COL15A1: variants seen among roughly 807,000 people sequenced by gnomAD.
COL15A1 encodes collagen type XV alpha 1 chain.
A neutral mutation model predicts 165.9 loss-of-function variants in COL15A1; 111 were observed. The ratio of observed to expected loss-of-function variants is 0.67; its 90% CI spans 0.57 to 0.78. The LOEUF (loss-of-function observed/expected upper bound fraction) is 0.78. COL15A1 is among the 30% of genes least tolerant of loss of function. The pLI is 0.00. For missense variants in COL15A1, 1,745 were observed against 1,789.7 expected (o/e 0.98, Z 0.45); for synonymous variants, 659 against 674.8 (o/e 0.98, Z 0.36).
chr9:99,023,744 G>C (rs114597581), intron 14 of COL15A1, among the ~76,000 whole-genome samples: 1 of 152,186 alleles, frequency 6.6e-6, no homozygotes, highest in Admixed American at 6.5e-5. Flanking sequence ...CCCTGCAGCA[G>C]GTGTGCCCAG....
At chr9:99,015,925 C>T in intron 10 of COL15A1, 51 bp from the exon 11 acceptor site, 1 of 1,593,112 alleles carries the variant, frequency 6.3e-7, no homozygotes, top group Non-Finnish European at 8.6e-7. Flanking sequence ...AACTCCCTGG[C>T]AGCCTCATGA....
intron 9 of COL15A1, among the ~76,000 whole-genome samples, chr9:99,011,868 G>C (rs75497687): frequency 1.6e-4 from 24 of 152,254 alleles, no homozygotes; most frequent in Admixed American, 8.5e-4. Context: ...CCATTTTATA[G>C]CCTGTGAATT....
In COL15A1 at chr9:98,985,880, C is replaced by A. The variant is rs373530299; in HGVS notation, c.416C>A (p.Thr139Lys). ...CACCAGCGGATCATCCTCTACTACA[C>A]GGAGCCAGGCTCCCATGTGTCCCAA... Reference protein sequence around the residue: ...DGHQRIILYYTEPGSHVSQEA... With the variant: ...DGHQRIILYYKEPGSHVSQEA... Residue 139 changes from threonine (T) to lysine (K), a missense_variant, in exon 3 of 42, where the codon ACG becomes AAG. Transcript: ENST00000375001. 5 of 1,613,738 alleles carry A rather than the reference C, an allele frequency of 3.1e-6. No homozygotes were observed. In the Admixed American group the frequency reaches 8.3e-5, roughly 27 times the overall value.
intron 16 of COL15A1, among the ~76,000 whole-genome samples, chr9:99,033,905 A>G (rs1215821158): frequency 6.6e-6 from 1 of 151,856 alleles, no homozygotes; most frequent in Non-Finnish European, 1.5e-5. Context: ...CTGACCGCCC[A>G]CCTGCTTTGG....
rs745500795 is a variant in COL15A1, at chr9:99,054,623, GA to G, written c.3003del (p.Gly1002AlafsTer15). ...GSWGLPGSKG[E>X]KGDQGAQGPP... ...CTGGGGTCTTCCTGGCTCAAAGGGA[GA>G]AAAAGGCGACCAGGGAGCCCAGGGA... On this transcript the variant is annotated frameshift_variant, in exon 32 of 42. Transcript: ENST00000375001. LOFTEE classifies it high-confidence loss of function. The G allele has an allele frequency of 6.2e-7, 1 of 1,613,256 alleles. No individual in the cohort carries two copies.
rs58361769 is a variant in COL15A1 at position 99,054,290 on chromosome 9, C to T, written c.2951-286C>T. 9.4e-3 allele frequency among the ~76,000 whole-genome samples: 1,439 copies of T among 152,304 alleles called. 24 individuals are homozygous for T. Among genetic ancestry groups the T allele is most frequent in the African/African-American group, 0.033 (1,383 of 41,558 alleles). ...TTAGCCGCAGCCTCTGCTGCACTCA[C>T]GGGATGCGCTGCTGGAACCTCAGTG... On this transcript the variant is annotated intron_variant, in intron 31 of 41. Transcript: ENST00000375001.
In COL15A1 at chr9:99,039,228, T is replaced by G. The variant is rs140517411; in HGVS notation, c.2475+495T>G. On this transcript the variant is annotated intron_variant, in intron 22 of 41. Transcript: ENST00000375001. ...GTATATAAGAAATACACATTATTTTTGGCCAGAAGTGGTGGCTCACGCCTG... is the reference window on the plus strand; with the variant it reads ...GTATATAAGAAATACACATTATTTTGGGCCAGAAGTGGTGGCTCACGCCTG... Among the ~76,000 whole-genome samples the G allele has an allele frequency of 2.8e-3, 425 of 152,358 alleles. 2 individuals are homozygous for G. Among genetic ancestry groups the G allele is most frequent in the African/African-American group, 9.2e-3 (381 of 41,594 alleles).
intron 19 of COL15A1, 76 bp from the exon 20 acceptor site, chr9:99,036,094 G>A (rs1037598025): frequency 5.0e-5 from 60 of 1,200,038 alleles, no homozygotes; most frequent in Non-Finnish European, 7.3e-5. Context: ...AGCTTAGGGG[G>A]AGATGGTGAG....
intron 9 of COL15A1, among the ~76,000 whole-genome samples, chr9:99,011,131 C>T (rs1046409753): frequency 1.8e-4 from 28 of 152,028 alleles, no homozygotes; most frequent in East Asian, 1.9e-4. Flanking sequence ...AAAAGTCGAA[C>T]TTTGTGTAAA....
chr9:99,006,111 C>T (rs1020602922), intron 9 of COL15A1, among the ~76,000 whole-genome samples: 4 of 152,202 alleles, frequency 2.6e-5, no homozygotes, highest in Admixed American at 2.0e-4. Context: ...TCCCTTCTCT[C>T]CTCCTTTTAA....
intron 2 of COL15A1, among the ~76,000 whole-genome samples, chr9:98,967,347 A>G (rs1411366723): frequency 3.3e-5 from 5 of 152,152 alleles, no homozygotes; most frequent in African/African-American, 9.7e-5. Flanking sequence ...GCTCTGTTGG[A>G]GACCACAAGT....
At chr9:99,049,780 A>AG in intron 29 of COL15A1, 22 bp downstream of exon 29, 1 of 1,614,140 alleles carries the variant, frequency 6.2e-7, no homozygotes, top group Non-Finnish European at 8.5e-7. Flanking sequence ...CGCAGTGGGA[A>AG]GACCTTCCCG....
intron 12 of COL15A1, among the ~76,000 whole-genome samples, chr9:99,021,539 C>T (rs141609896): frequency 6.6e-6 from 1 of 152,204 alleles, no homozygotes; most frequent in Non-Finnish European, 1.5e-5. Flanking sequence ...CTTTCATCTG[C>T]CTCTTTTCCA....
At chr9:99,032,352 G>A (rs1839223612) in intron 16 of COL15A1, among the ~76,000 whole-genome samples, 2 of 152,020 alleles carry the variant, frequency 1.3e-5, no homozygotes, top group African/African-American at 4.8e-5. Flanking sequence ...ACCACACCCA[G>A]CTAACTTATG....
At position 99,020,455 on chromosome 9, in the gene COL15A1, AC is replaced by A; in HGVS notation, c.1701+15del. 6.3e-7 allele frequency: 1 copy of A among 1,597,336 alleles called. No homozygotes were observed. Among genetic ancestry groups the A allele is most frequent in the Non-Finnish European group, 8.6e-7 (1 of 1,164,682 alleles). On this transcript the variant is annotated intron_variant, in intron 12 of 41. Transcript: ENST00000375001. ...CAAAGGAGAAAAGGTTTGTGCTGTG[AC>A]CATCCTGGGGAACACTTTGGCTCCT... is the stretch of plus-strand genomic sequence containing the variant.
At chr9:99,042,193 T>A (rs1839417360) in intron 24 of COL15A1, 86 bp downstream of exon 24, 1 of 941,734 alleles carries the variant, frequency 1.1e-6, no homozygotes, top group African/African-American at 1.7e-5. Flanking sequence ...TATTAACTTT[T>A]CTCTTCTTTG....
chr9:99,000,894 C>T lies in COL15A1; in HGVS notation c.1008C>T (p.Asp336=), dbSNP rs754788497. The change falls in exon 7 of 42, where the codon GAC becomes GAT. Residue 336 remains aspartate (D), a synonymous_variant. Coordinates refer to ENST00000375001, the MANE Select transcript of COL15A1 (RefSeq NM_001855.5). ...AGGGGGTTCATTCTGTGGATGGTGA[C>T]CCCATTACTGACAGCGGCTCAGGGG... The part of the protein sequence containing the change: ...TLEGVHSVDG[D]PITDSGSGAG... 4.4e-6 allele frequency: 7 copies of T among 1,606,754 alleles called. No homozygotes were observed. Among genetic ancestry groups the T allele is most frequent in the Non-Finnish European group, 5.1e-6 (6 of 1,173,500 alleles).
chr9:98,987,234 C>T, intron 3 of COL15A1, 60 bp from the exon 4 acceptor site: 1 of 1,492,426 alleles, frequency 6.7e-7, no homozygotes, highest in Non-Finnish European at 9.3e-7. Context: ...TCATGTCTTC[C>T]ACTGGCAGTC....
chr9:98,966,986 A>G (rs1837968422), intron 2 of COL15A1, among the ~76,000 whole-genome samples: 1 of 152,214 alleles, frequency 6.6e-6, no homozygotes, highest in African/African-American at 2.4e-5. Context: ...TCATTCATTC[A>G]TGCACATGTG....
Sources: gnomAD v4.1 joint callset for allele counts (sites outside exome capture counted in the v4.1 genomes callset) on GRCh38, gnomAD v4.1.1 for gene constraint, MANE v1.5 for transcripts, NCBI Gene and HGNC (gene_info 2026-07-23, HGNC 2026-07-21) for gene names.